Variants in OSBP2 observed in about 807,000 individuals in gnomAD.
OSBP2 encodes the protein oxysterol binding protein 2.
Under a neutral mutation model 96.0 loss-of-function variants are expected in OSBP2, and 66 were observed. The ratio of observed to expected loss-of-function variants is 0.69; its 90% CI spans 0.56 to 0.84. The LOEUF is 0.84. Ranked by LOEUF, OSBP2 falls within the 40% of genes least tolerant of loss-of-function variation. The pLI is 0.00. For synonymous variants in OSBP2, 525 were observed against 520.9 expected (o/e 1.01, Z -0.11); for missense variants, 1,038 against 1,222.7 (o/e 0.85, Z 2.25).
chr22:30,863,549 C>T (rs1292147260), intron 2 of OSBP2, among the ~76,000 whole-genome samples: 1 of 152,162 alleles, frequency 6.6e-6, no homozygotes, highest in Non-Finnish European at 1.5e-5. Context: ...ATGCCCTGCT[C>T]TGGGGGTCTG....
intron 2 of OSBP2, among the ~76,000 whole-genome samples, chr22:30,802,281 TGCGAGATGTCATCAG>T (rs1289833527): frequency 6.6e-6 from 1 of 152,228 alleles, no homozygotes; most frequent in African/African-American, 2.4e-5. Context: ...GAAGCGGTTC[TGCGAGATGTCATCAG>T]GCTCTAGCAG....
intron 3 of OSBP2, among the ~76,000 whole-genome samples, chr22:30,874,590 A>AT (rs1312448773): frequency 6.6e-6 from 1 of 152,138 alleles, no homozygotes; most frequent in East Asian, 1.9e-4. Flanking sequence ...GTGCAGGCCC[A>AT]TTCCACGCAC....
At chr22:30,794,256 C>T in intron 2 of OSBP2, among the ~76,000 whole-genome samples, 1 of 145,128 alleles carries the variant, frequency 6.9e-6, no homozygotes, top group Non-Finnish European at 1.5e-5. Context: ...CTCTCCTCCT[C>T]TATTCATTTT....
At chr22:30,894,089 C>T (rs1053885256) in intron 12 of OSBP2, 88 bp downstream of exon 12, 4 of 1,194,910 alleles carry the variant, frequency 3.3e-6, no homozygotes, top group African/African-American at 3.0e-5. Flanking sequence ...CACAGGAGGT[C>T]GGGAGGGTTC....
intron 2 of OSBP2, among the ~76,000 whole-genome samples, chr22:30,847,419 C>A (rs1424498127): frequency 6.6e-6 from 1 of 151,910 alleles, no homozygotes; most frequent in East Asian, 1.9e-4. Flanking sequence ...GCAGCTGGGA[C>A]TACAGGTGCC....
At chr22:30,721,724 C>T (rs1195326072) in intron 1 of OSBP2, among the ~76,000 whole-genome samples, 1 of 152,124 alleles carries the variant, frequency 6.6e-6, no homozygotes. Context: ...TATGTCTCAC[C>T]ATCAGATCTG....
At chr22:30,824,304 G>A (rs1261751163) in intron 2 of OSBP2, among the ~76,000 whole-genome samples, 2 of 152,186 alleles carry the variant, frequency 1.3e-5, no homozygotes, top group Non-Finnish European at 2.9e-5. Flanking sequence ...TTAGAACAGG[G>A]CCTGGAGCAG....
intron 2 of OSBP2, among the ~76,000 whole-genome samples, chr22:30,773,774 T>C (rs136319): frequency 6.6e-6 from 1 of 151,712 alleles, no homozygotes. Flanking sequence ...CACAGAGCCA[T>C]CTTGGAAAAG....
chr22:30,803,851 A>G (rs908673827), intron 2 of OSBP2, among the ~76,000 whole-genome samples: 4 of 152,002 alleles, frequency 2.6e-5, no homozygotes, highest in African/African-American at 9.7e-5. Flanking sequence ...AGCAAGCAAA[A>G]GGGATTTTAA....
chr22:30,803,095 G>A lies in OSBP2; in HGVS notation c.853+61726G>A, dbSNP rs180768425. On this transcript the variant is annotated intron_variant, in intron 2 of 13. Coordinates refer to ENST00000332585, the MANE Select transcript of OSBP2 (RefSeq NM_030758.4). Reference sequence around the variant, plus strand: ...AGCGCGGCGGCGGGAAGGCGGCGGCGGCGGCGGCAGCAGCAGCAGCTGCAA... The same window carrying A: ...AGCGCGGCGGCGGGAAGGCGGCGGCAGCGGCGGCAGCAGCAGCAGCTGCAA... The A allele has an allele frequency of 3.1e-3, 661 of 211,080 alleles. 1 individual carries two copies. Among genetic ancestry groups the A allele is most frequent in the Non-Finnish European group, 4.8e-3 (513 of 107,382 alleles). The allele number at this position is 211,080 out of a possible 1,614,324, so 13.1% of individuals were successfully genotyped here. A position where few individuals can be genotyped will look rare whatever the true frequency, so the allele number is the denominator to read the frequency against.
chr22:30,765,522 A>G (rs1361749438), intron 2 of OSBP2, among the ~76,000 whole-genome samples: 2 of 152,080 alleles, frequency 1.3e-5, no homozygotes, highest in African/African-American at 4.8e-5. Context: ...CCCCATTTTT[A>G]TAATAAACAT....
chr22:30,876,724 A>C (rs961190065), intron 3 of OSBP2, among the ~76,000 whole-genome samples: 1 of 152,140 alleles, frequency 6.6e-6, no homozygotes, highest in Non-Finnish European at 1.5e-5. Flanking sequence ...TGAGTGTTCC[A>C]TGCATTGCGT....
At position 30,730,242 on chromosome 22, in the gene OSBP2, C is replaced by T. The variant is rs557270373; in HGVS notation, c.645-10919C>T. On this transcript the variant is annotated intron_variant, in intron 1 of 13. Transcript: ENST00000332585. ...CCTCCCGAAGTCCTGGGATTACAGGCGCGAGCCACCGCACCCAGCCTGGAG... is the reference window on the plus strand; with the variant it reads ...CCTCCCGAAGTCCTGGGATTACAGGTGCGAGCCACCGCACCCAGCCTGGAG... 6.6e-5 allele frequency among the ~76,000 whole-genome samples: 10 copies of T among 152,222 alleles called. No homozygotes were observed. The East Asian group carries it at 7.8e-4, about 12-fold the overall frequency.
intron 2 of OSBP2, among the ~76,000 whole-genome samples, chr22:30,812,596 G>A (rs912884455): frequency 1.3e-5 from 2 of 152,216 alleles, no homozygotes; most frequent in African/African-American, 4.8e-5. Flanking sequence ...CTCCCTCTAC[G>A]TGCATCTTTT....
In OSBP2 at chr22:30,870,825, A is replaced by G; in HGVS notation, c.1107+143A>G. 1.2e-6 allele frequency: 1 copy of G among 825,642 alleles called. No homozygotes were observed. 51.1% of individuals were successfully genotyped at this position (825,642 alleles called of 1,614,324 possible). ...GTGTTTCCCAAAGCCAGCGCCCCCC[A>G]GCTAGCTTCCGAGTTCTTAAATCAT... On this transcript the variant is annotated intron_variant, in intron 3 of 13. Coordinates refer to ENST00000332585, the MANE Select transcript of OSBP2 (RefSeq NM_030758.4). This position sits in a 1 kb window ranked among gnomAD's most constrained non-coding sequence, Gnocchi z 4.1.
At chr22:30,843,246 ACCT>A (rs764683238) in intron 2 of OSBP2, among the ~76,000 whole-genome samples, 5 of 152,092 alleles carry the variant, frequency 3.3e-5, no homozygotes, top group Admixed American at 2.0e-4. Context: ...TGATATTTTG[ACCT>A]CCTCCCATGA....
chr22:30,842,203 G>A (rs2038766719), intron 2 of OSBP2, among the ~76,000 whole-genome samples: 1 of 152,212 alleles, frequency 6.6e-6, no homozygotes, highest in South Asian at 2.1e-4. Flanking sequence ...GAGCTCAGGA[G>A]TTTGAGGCTG....
At chr22:30,750,472 A>G (rs972423744) in intron 2 of OSBP2, among the ~76,000 whole-genome samples, 19 of 152,136 alleles carry the variant, frequency 1.2e-4, no homozygotes, top group African/African-American at 4.6e-4. Context: ...CCCCCCAACC[A>G]TCTAACTGGG....
intron 3 of OSBP2, among the ~76,000 whole-genome samples, chr22:30,878,388 C>T (rs545920448): frequency 1.3e-3 from 199 of 152,306 alleles, no homozygotes; most frequent in Non-Finnish European, 2.4e-3. Context: ...CAGTGCTGCT[C>T]TGAGCTGAAG....
Sources: allele counts gnomAD v4.1 joint callset (sites outside exome capture counted in the v4.1 genomes callset), GRCh38; gene constraint gnomAD v4.1.1; non-coding constraint Gnocchi (gnomAD v3.1); transcripts MANE v1.5; gene names NCBI Gene and HGNC (gene_info 2026-07-23, HGNC 2026-07-21).